Variants in FKBP6 observed in about 807,000 individuals in gnomAD.
FKBP6 encodes FKBP prolyl isomerase family member 6 (inactive), also known as inactive peptidyl-prolyl cis-trans isomerase FKBP6.
A neutral mutation model predicts 41.7 loss-of-function variants in FKBP6; 29 were observed. That is an observed-to-expected ratio of 0.70 (90% CI 0.52 to 0.95). The LOEUF is 0.95. Ranked by LOEUF, FKBP6 falls within the 40% of genes least tolerant of loss-of-function variation. The pLI is 0.00. For synonymous variants in FKBP6, 130 were observed against 165.1 expected (o/e 0.79, Z 1.63); for missense variants, 338 against 408.7 (o/e 0.83, Z 1.49).
chr7:73,356,928 C>T (rs1215999265), intron 8 of FKBP6, among the ~76,000 whole-genome samples: 1 of 152,088 alleles, frequency 6.6e-6, no homozygotes, highest in African/African-American at 2.4e-5. Flanking sequence ...TTACAGGTGC[C>T]TGCCACCACG....
chr7:73,342,745 C>T (rs1051358587), intron 7 of FKBP6, 62 bp from the exon 8 acceptor site: 3 of 1,128,332 alleles, frequency 2.7e-6, no homozygotes, highest in Non-Finnish European at 4.1e-6. Flanking sequence ...GAATTCCAGC[C>T]ACCAGATGTC....
At chr7:73,339,064 G>A (rs192116644) in intron 5 of FKBP6, 1 of 152,230 alleles carries the variant, frequency 6.6e-6, no homozygotes, top group East Asian at 1.9e-4. Flanking sequence ...ACACCTATTT[G>A]TACTTCTAAA....
intron 2 of FKBP6, 102 bp from the exon 3 acceptor site, chr7:73,329,258 C>T: frequency 1.2e-6 from 1 of 813,780 alleles, no homozygotes; most frequent in Non-Finnish European, 2.2e-6. Context: ...GCAGCTTAAG[C>T]TCATCTGTTC....
In FKBP6 at chr7:73,328,316, T is replaced by C; in HGVS notation, c.-113T>C. On this transcript the variant is annotated 5_prime_UTR_variant, in exon 1 of 9. It removes the in-frame stop codon of an upstream open reading frame in the 5' UTR. Transcript: ENST00000252037. ...CCCCAGAATGGAATGCCGCCGTCGG[T>C]AGGGGTCTGCCGGGCATAAAGGGGC... 6.5e-7 allele frequency: 1 copy of C among 1,549,232 alleles called. No individual in the cohort carries two copies. Among genetic ancestry groups the C allele is most frequent in the Non-Finnish European group, 8.7e-7 (1 of 1,146,696 alleles).
chr7:73,328,504 C>T lies in FKBP6; in HGVS notation c.57+19C>T, dbSNP rs782394050. On this transcript the variant is annotated intron_variant, in intron 1 of 8. Transcript: ENST00000252037. ...CGGCCAGGTGAGGGCCCAGACGTTT[C>T]GGGGGCGTAGACGCTGAGGGGTGGC... 1.8e-4 allele frequency: 277 copies of T among 1,557,704 alleles called. No individual in the cohort carries two copies. The Admixed American group carries it at 4.2e-3, about 24-fold the overall frequency.
Position 73,328,205 on chromosome 7 carries a change from A to T in FKBP6, c.-224A>T. 6.5e-7 allele frequency: 1 copy of T among 1,548,426 alleles called. No individual in the cohort carries two copies. The highest frequency in any genetic ancestry group is 8.7e-7 in the Non-Finnish European group (1 of 1,146,250). On this transcript the variant is annotated 5_prime_UTR_variant, in exon 1 of 9. Coordinates refer to ENST00000252037, the MANE Select transcript of FKBP6 (RefSeq NM_003602.5). ...CATTACGGATCATACCTCGCACCTCACCGCGTGGCCTCTGTAGTTCCAGAG... is the reference window on the plus strand; with the variant it reads ...CATTACGGATCATACCTCGCACCTCTCCGCGTGGCCTCTGTAGTTCCAGAG...
intron 5 of FKBP6, among the ~76,000 whole-genome samples, chr7:73,333,818 TC>T (rs1290854698): frequency 1.3e-5 from 2 of 152,236 alleles, no homozygotes; most frequent in East Asian, 3.8e-4. Context: ...ATGCCTGTAA[TC>T]CCAGCACTTT....
chr7:73,339,950 A>G (rs1255593626), intron 5 of FKBP6, among the ~76,000 whole-genome samples: 1 of 152,212 alleles, frequency 6.6e-6, no homozygotes, highest in South Asian at 2.1e-4. Context: ...CTGTGTCTAC[A>G]AAAAAGGCTG....
chr7:73,356,697 G>A (rs1554551990), intron 8 of FKBP6, among the ~76,000 whole-genome samples: 2 of 152,214 alleles, frequency 1.3e-5, no homozygotes, highest in African/African-American at 4.8e-5. Context: ...AATTCTGTGA[G>A]TTCTATCAGC....
chr7:73,332,618 G>A (rs1804884134), intron 5 of FKBP6, among the ~76,000 whole-genome samples: 1 of 152,178 alleles, frequency 6.6e-6, no homozygotes, highest in East Asian at 1.9e-4. Flanking sequence ...GGGATTGGGA[G>A]GCACCTGGGA....
intron 8 of FKBP6, among the ~76,000 whole-genome samples, chr7:73,352,424 G>A (rs150441630): frequency 6.6e-6 from 1 of 152,326 alleles, no homozygotes; most frequent in African/African-American, 2.4e-5. Context: ...ATAATTAAGT[G>A]TACAGGTAGT....
intron 8 of FKBP6, among the ~76,000 whole-genome samples, chr7:73,352,006 A>G (rs1805503571): frequency 6.6e-6 from 1 of 152,122 alleles, no homozygotes; most frequent in Admixed American, 6.6e-5. Context: ...AAGGTCTCCT[A>G]TGTTACTCAG....
rs564324543 is a variant in FKBP6 at position 73,338,629 on chromosome 7, C to T, written c.589-2009C>T. Among the ~76,000 whole-genome samples the T allele has an allele frequency of 3.3e-5, 5 of 152,324 alleles. No homozygotes were observed. The East Asian group carries it at 7.7e-4, about 24-fold the overall frequency. ...GAAGCTTCCAATTTCTCCACATCTTCACCAACACTTATTTTATATTTTTAA... is the reference window on the plus strand; with the variant it reads ...GAAGCTTCCAATTTCTCCACATCTTTACCAACACTTATTTTATATTTTTAA... On this transcript the variant is annotated intron_variant, in intron 5 of 8. Transcript: ENST00000252037.
intron 8 of FKBP6, among the ~76,000 whole-genome samples, chr7:73,357,060 G>T (rs937843347): frequency 2.6e-5 from 4 of 152,138 alleles, no homozygotes; most frequent in African/African-American, 9.7e-5. Flanking sequence ...GGGATTACAG[G>T]CATGAGCCAC....
intron 8 of FKBP6, among the ~76,000 whole-genome samples, chr7:73,353,302 G>A (rs557074415): frequency 1.3e-5 from 2 of 152,220 alleles, no homozygotes; most frequent in Admixed American, 6.5e-5. Flanking sequence ...TAATGTATTC[G>A]TGGGTTCCGG....
At position 73,346,844 on chromosome 7, in the gene FKBP6, C is replaced by G. The variant is rs1805346487; in HGVS notation, c.*2+3945C>G. On this transcript the variant is annotated intron_variant, in intron 8 of 8. Coordinates refer to ENST00000252037, the MANE Select transcript of FKBP6 (RefSeq NM_003602.5). ...ACCTGAGGGAGCATGACCATAGTGCCTGAGGGGCTGAAGATGCCCTAACCG... is the reference window on the plus strand; with the variant it reads ...ACCTGAGGGAGCATGACCATAGTGCGTGAGGGGCTGAAGATGCCCTAACCG... Among the ~76,000 whole-genome samples, 3 of 152,322 alleles carry G rather than the reference C, an allele frequency of 2.0e-5. No homozygotes were observed. In the South Asian group the frequency reaches 6.2e-4, roughly 32 times the overall value.
chr7:73,342,964 C>A, intron 8 of FKBP6, 65 bp downstream of exon 8: 1 of 1,090,026 alleles, frequency 9.2e-7, no homozygotes, highest in South Asian at 1.2e-5. Flanking sequence ...CTCCTCCACC[C>A]CCAAGTGAAT....
Position 73,331,843 on chromosome 7 carries a change from A to ATTTTGTTTTGTTGTGAATTTTG in FKBP6, c.588+83_588+84insATTTTGTTTTGTTTTGTTGTGA. On this transcript the variant is annotated intron_variant, in intron 5 of 8. Transcript: ENST00000252037. ...AAACTTCCTTGTTTAAAAAACACAGATTTTGTTTTGTTGTGATTTTTGTTT... is the reference window on the plus strand; with the variant it reads ...AAACTTCCTTGTTTAAAAAACACAGATTTTGTTTTGTTGTGAATTTTGTTTTGTTTTGTTGTGATTTTTGTTT... 2.6e-6 allele frequency: 4 copies of ATTTTGTTTTGTTGTGAATTTTG among 1,519,334 alleles called. No homozygotes were observed. The South Asian group carries it at 3.4e-5, about 13-fold the overall frequency. 94.1% of individuals were successfully genotyped at this position (1,519,334 alleles called of 1,614,324 possible).
intron 4 of FKBP6, among the ~76,000 whole-genome samples, chr7:73,330,951 T>C (rs1804822419): frequency 6.6e-6 from 1 of 152,222 alleles, no homozygotes; most frequent in African/African-American, 2.4e-5. Flanking sequence ...TGTCTCACAC[T>C]GACTCCATCT....
Sources: gnomAD v4.1 joint callset for allele counts (sites outside exome capture counted in the v4.1 genomes callset) on GRCh38, gnomAD v4.1.1 for gene constraint, MANE v1.5 for transcripts, NCBI Gene and HGNC (gene_info 2026-07-23, HGNC 2026-07-21) for gene names.